Variants in HTT observed in about 807,000 individuals in gnomAD.
The protein encoded by HTT is huntingtin.
Under a neutral mutation model 362.3 loss-of-function variants are expected in HTT, and 104 were observed. The ratio of observed to expected loss-of-function variants is 0.29; its 90% CI spans 0.24 to 0.34. HTT has a LOEUF of 0.34. HTT is among the 10% of genes least tolerant of loss of function. The pLI, the probability that HTT is intolerant of heterozygous loss-of-function variation, is 1.00. For synonymous variants in HTT, 1,577 were observed against 1,548.7 expected (o/e 1.02, Z -0.43); for missense variants, 3,301 against 3,928.6 (o/e 0.84, Z 4.27).
intron 1 of HTT, among the ~76,000 whole-genome samples, chr4:3,083,701 G>C (rs529651106): frequency 2.0e-5 from 3 of 151,880 alleles, no homozygotes; most frequent in Non-Finnish European, 4.4e-5. Flanking sequence ...AATATAGTAC[G>C]GCCACTCTGG....
At chr4:3,116,522 A>G (rs1715036810) in intron 8 of HTT, among the ~76,000 whole-genome samples, 1 of 152,156 alleles carries the variant, frequency 6.6e-6, no homozygotes, top group Non-Finnish European at 1.5e-5. Context: ...CCCTGTTTCT[A>G]AAACCAGAGG....
At chr4:3,082,422 T>C (rs943837478) in intron 1 of HTT, among the ~76,000 whole-genome samples, 1 of 152,208 alleles carries the variant, frequency 6.6e-6, no homozygotes, top group Non-Finnish European at 1.5e-5. Context: ...AAAAATAAAA[T>C]ACCTTATAAA....
chr4:3,132,398 C>CT lies in HTT; in HGVS notation c.2237-152dup, dbSNP rs1054618001. Reference sequence around the variant, plus strand: ...AATCTCTAATTCTTAAATCCTGAAACTTTTTTTTTTTTAATCACTTAGGGT... The same window carrying CT: ...AATCTCTAATTCTTAAATCCTGAAACTTTTTTTTTTTTTAATCACTTAGGGT... On this transcript the variant is annotated intron_variant, in intron 16 of 66. Transcript: ENST00000355072. Among the ~76,000 whole-genome samples the CT allele has an allele frequency of 6.4e-3, 931 of 145,974 alleles. 11 individuals carry two copies. The highest frequency in any genetic ancestry group is 0.021 in the African/African-American group (838 of 40,018).
intron 21 of HTT, 122 bp from the exon 22 acceptor site, chr4:3,140,388 C>T (rs1028968306): frequency 3.1e-5 from 23 of 741,894 alleles, no homozygotes; most frequent in African/African-American, 7.0e-5. Flanking sequence ...AGAAAGGGGG[C>T]GAGAAGTGGT....
At chr4:3,196,168 T>C (rs1161994320) in intron 40 of HTT, among the ~76,000 whole-genome samples, 2 of 152,210 alleles carry the variant, frequency 1.3e-5, no homozygotes, top group Non-Finnish European at 2.9e-5. Flanking sequence ...GCTATTCTGA[T>C]ATGCCCACAC....
chr4:3,145,823 C>A (rs1716571199), intron 24 of HTT, among the ~76,000 whole-genome samples: 1 of 152,112 alleles, frequency 6.6e-6, no homozygotes, highest in Non-Finnish European at 1.5e-5. Context: ...AGCAAATGAC[C>A]AACTGATATT....
chr4:3,116,569 T>G (rs368912641), intron 8 of HTT, among the ~76,000 whole-genome samples: 1 of 152,230 alleles, frequency 6.6e-6, no homozygotes, highest in South Asian at 2.1e-4. Flanking sequence ...AAATACTGAT[T>G]GAGCACCCAC....
Position 3,146,893 on chromosome 4 carries a change from A to G in HTT, c.3240A>G (p.Pro1080=), listed in dbSNP as rs887570401. The change falls in exon 25 of 67, where the codon CCA becomes CCG. Residue 1080 remains proline, a synonymous_variant. Coordinates refer to ENST00000355072, the MANE Select transcript of HTT (RefSeq NM_001388492.1). ...CCCTGCTCTCGTCAGCTTGGTTCCCATTGGATCTCTCAGCCCATCAAGATG... is the reference window on the plus strand; with the variant it reads ...CCCTGCTCTCGTCAGCTTGGTTCCCGTTGGATCTCTCAGCCCATCAAGATG... ...ILTLLSSAWF[P]LDLSAHQDAL... 19 of 1,614,026 alleles carry G rather than the reference A, an allele frequency of 1.2e-5. No homozygotes were observed. Among genetic ancestry groups the G allele is most frequent in the Non-Finnish European group, 1.6e-5 (19 of 1,180,014 alleles).
intron 1 of HTT, among the ~76,000 whole-genome samples, chr4:3,081,084 G>C (rs1027358609): frequency 1.3e-5 from 2 of 152,134 alleles, no homozygotes; most frequent in Non-Finnish European, 2.9e-5. Flanking sequence ...TTGCATTTCC[G>C]TACGAATTGT....
At chr4:3,192,176 G>C (rs1018481069) in intron 40 of HTT, among the ~76,000 whole-genome samples, 4 of 152,190 alleles carry the variant, frequency 2.6e-5, no homozygotes, top group African/African-American at 9.7e-5. Flanking sequence ...CTGGGCTCTA[G>C]AGTTCTTCCT....
In HTT at chr4:3,206,267, G is replaced by T. The variant is rs1410261834; in HGVS notation, c.5719-229G>T. Among the ~76,000 whole-genome samples, 2 of 151,118 alleles carry T rather than the reference G, an allele frequency of 1.3e-5. No homozygotes were observed. The highest frequency in any genetic ancestry group is 4.1e-4 in the South Asian group (2 of 4,836). ...CTGCTGTACCCTACTTCCCCAGGGG[G>T]CCTAACTTCACACAGCCTCTGCCGC... On this transcript the variant is annotated intron_variant, in intron 42 of 66. Coordinates refer to ENST00000355072, the MANE Select transcript of HTT (RefSeq NM_001388492.1). This position sits in a 1 kb window ranked among gnomAD's most constrained non-coding sequence, Gnocchi z 4.6.
Position 3,209,924 on chromosome 4 carries a change from A to G in HTT, c.6389A>G (p.Asp2130Gly). The G allele has an allele frequency of 6.2e-7, 1 of 1,614,122 alleles. No individual in the cohort carries two copies. The highest frequency in any genetic ancestry group is 8.5e-7 in the Non-Finnish European group (1 of 1,179,976). ...CTGGTGAATCGGATTCCTGCTGAAG[A>G]TATGAATGCCTTCATGATGAACTCG... Reference protein sequence around the residue: ...AELVNRIPAEDMNAFMMNSEF... With the variant: ...AELVNRIPAEGMNAFMMNSEF... The change falls in exon 47 of 67, where the codon GAT (aspartate) becomes GGT (glycine). Residue 2130 changes from aspartate to glycine, a missense_variant. Physicochemically the swap from Asp to Gly is moderately conservative, Grantham distance 94. This residue lies in a region of HTT where 2,316 missense variants were observed against 2,658.5 expected (regional missense o/e 0.87). Transcript: ENST00000355072.
At chr4:3,101,428 G>A (rs1379090913) in intron 3 of HTT, among the ~76,000 whole-genome samples, 1 of 152,204 alleles carries the variant, frequency 6.6e-6, no homozygotes, top group Non-Finnish European at 1.5e-5. Context: ...CTCAGATGCT[G>A]TAGTTGTCAG....
At position 3,160,392 on chromosome 4, in the gene HTT, G is replaced by A; in HGVS notation, c.3864G>A (p.Lys1288=). 1 of 1,539,210 alleles carries A rather than the reference G, an allele frequency of 6.5e-7. No homozygotes were observed. The highest frequency in any genetic ancestry group is 8.8e-7 in the Non-Finnish European group (1 of 1,134,626). The stretch of plus-strand genomic sequence containing the variant: ...TGGCCACACTGCAGGACATTGGGAA[G>A]GTTTGTGTCTTGTTTTTTCTCCTTG... ...LELATLQDIG[K]CVEEILGYLK... is the part of the protein sequence containing the mutation. Residue 1288 remains lysine (K), a splice_region_variant and synonymous_variant, in exon 29 of 67, where the codon AAG becomes AAA. Transcript: ENST00000355072.
intron 26 of HTT, among the ~76,000 whole-genome samples, chr4:3,153,506 T>C (rs542984516): frequency 9.2e-5 from 14 of 152,330 alleles, no homozygotes; most frequent in African/African-American, 2.6e-4. Flanking sequence ...GTATTGGAGA[T>C]AGTTGAGGCT....
rs1714031162 is a variant in HTT at position 3,099,386 on chromosome 4, G to C, written c.460G>C (p.Val154Leu). The part of the protein sequence containing the change: ...RMVADECLNK[V>L]IKALMDSNLP... ...GGTGGCTGACGAATGCCTCAACAAA[G>C]TTATCAAAGTAAGAACCGTGTGGAT... Residue 154 changes from valine to leucine, a missense_variant, in exon 3 of 67, where the codon GTT becomes CTT. Transcript: ENST00000355072. 2.5e-6 allele frequency: 4 copies of C among 1,613,964 alleles called. No homozygotes were observed. Among genetic ancestry groups the C allele is most frequent in the Non-Finnish European group, 3.4e-6 (4 of 1,179,824 alleles).
intron 12 of HTT, 178 bp from the exon 13 acceptor site, chr4:3,129,746 C>G: frequency 1.7e-6 from 1 of 600,090 alleles, no homozygotes. Context: ...AATGAGTGAT[C>G]AGTAAGCTCT....
rs1004058597 is a variant in HTT at position 3,233,171 on chromosome 4, C to T, written c.8274C>T (p.Ala2758=). 24 of 1,585,716 alleles carry T rather than the reference C, an allele frequency of 1.5e-5. No individual in the cohort carries two copies. The highest frequency in any genetic ancestry group is 3.4e-5 in the Admixed American group (2 of 59,342). Residue 2758 remains alanine (A), a synonymous_variant, in exon 61 of 67, where the codon GCC becomes GCT. Transcript: ENST00000355072. The part of the protein sequence containing the change: ...KAAAVLGMDK[A]VAEPVSRLLE... ...TGTCTGTGTGTGCCTAGGACAAGGCCGTGGCGGAGCCTGTCAGCCGCCTGC... is the reference window on the plus strand; with the variant it reads ...TGTCTGTGTGTGCCTAGGACAAGGCTGTGGCGGAGCCTGTCAGCCGCCTGC...
intron 6 of HTT, among the ~76,000 whole-genome samples, chr4:3,112,716 T>G (rs553602084): frequency 6.6e-6 from 1 of 152,352 alleles, no homozygotes; most frequent in South Asian, 2.1e-4. Flanking sequence ...TGACCACTCT[T>G]AGGTGTGTCT....
Sources: gnomAD v4.1 joint callset for allele counts (sites outside exome capture counted in the v4.1 genomes callset) on GRCh38, gnomAD v4.1.1 for gene constraint, gnomAD v4.1.1 regional missense constraint, Gnocchi (gnomAD v3.1) non-coding constraint, MANE v1.5 for transcripts, NCBI Gene and HGNC (gene_info 2026-07-23, HGNC 2026-07-21) for gene names.